The following DRC11 variants were observed in gnomAD, a reference collection of about 807,000 sequenced individuals.
DRC11 encodes IQ and AAA domain-containing protein 1.
the DRC11 span, among the ~76,000 whole-genome samples, chr2:236,402,876 G>A: frequency 6.6e-6 from 1 of 152,180 alleles, no homozygotes; most frequent in African/African-American, 2.4e-5. The surrounding 1 kb of genome is among the most constrained non-coding windows in gnomAD (Gnocchi z 6.0). Context: ...ATTCATGAAC[G>A]AAAGAGAAAT....
the DRC11 span, among the ~76,000 whole-genome samples, chr2:236,494,703 G>C: frequency 7.9e-5 from 12 of 152,126 alleles, no homozygotes; most frequent in African/African-American, 2.9e-4. This position sits in a 1 kb window ranked among gnomAD's most constrained non-coding sequence, Gnocchi z 4.2. Context: ...CCAGCCCAGA[G>C]AATTTTGGAT....
the DRC11 span, among the ~76,000 whole-genome samples, chr2:236,309,458 G>T: frequency 6.6e-6 from 1 of 152,146 alleles, no homozygotes; most frequent in African/African-American, 2.4e-5. The surrounding 1 kb of genome is among the most constrained non-coding windows in gnomAD (Gnocchi z 5.7). Context: ...GGTGGTCATT[G>T]CCTGTGAGCA....
At chr2:236,404,607 G>C in the DRC11 span, among the ~76,000 whole-genome samples, 1 of 152,190 alleles carries the variant, frequency 6.6e-6, no homozygotes, top group Non-Finnish European at 1.5e-5. Flanking sequence ...TGGCCTTTGC[G>C]GCATGTGAAG....
At chr2:236,321,339 T>C in the DRC11 span, among the ~76,000 whole-genome samples, 1 of 152,198 alleles carries the variant, frequency 6.6e-6, no homozygotes, top group Non-Finnish European at 1.5e-5. Flanking sequence ...GGCCCGTCTG[T>C]ATGTGCTGAT....
chr2:236,309,534 C>T, the DRC11 span, among the ~76,000 whole-genome samples: 21 of 152,224 alleles, frequency 1.4e-4, no homozygotes, highest in African/African-American at 3.4e-4. The surrounding 1 kb of genome is among the most constrained non-coding windows in gnomAD (Gnocchi z 5.7). Flanking sequence ...AGGCTCAAAA[C>T]GGACATTCTT....
chr2:236,383,554 T>G, the DRC11 span, among the ~76,000 whole-genome samples: 1 of 152,170 alleles, frequency 6.6e-6, no homozygotes, highest in African/African-American at 2.4e-5. Flanking sequence ...TCTTTTTTAA[T>G]GTAGGCATTT....
chr2:236,487,533 A>G, the DRC11 span, among the ~76,000 whole-genome samples: 11 of 152,094 alleles, frequency 7.2e-5, no homozygotes, highest in Non-Finnish European at 1.3e-4. Context: ...GCACAAATCC[A>G]TGGTGCTTAT....
the DRC11 span, among the ~76,000 whole-genome samples, chr2:236,498,146 G>A: frequency 6.6e-6 from 1 of 152,100 alleles, no homozygotes; most frequent in Admixed American, 6.6e-5. Flanking sequence ...ATGATGTACA[G>A]TGTGAGAAAT....
chr2:236,309,200 C>T, the DRC11 span, among the ~76,000 whole-genome samples: 40 of 152,308 alleles, frequency 2.6e-4, no homozygotes, highest in African/African-American at 9.1e-4. The surrounding 1 kb of genome is among the most constrained non-coding windows in gnomAD (Gnocchi z 5.7). Flanking sequence ...TCCAGGCACT[C>T]CCCGAGGTTG....
At chr2:236,347,330 C>T in the DRC11 span, among the ~76,000 whole-genome samples, 4 of 151,980 alleles carry the variant, frequency 2.6e-5, no homozygotes, top group African/African-American at 9.7e-5. Context: ...CCTTAAAGTA[C>T]TAAAAGTAGA....
the DRC11 span, among the ~76,000 whole-genome samples, chr2:236,418,117 A>G: frequency 6.6e-6 from 1 of 152,152 alleles, no homozygotes; most frequent in East Asian, 1.9e-4. Flanking sequence ...GTCAAATGGT[A>G]TTTCTGGTTC....
the DRC11 span, among the ~76,000 whole-genome samples, chr2:236,323,715 G>C: frequency 6.6e-6 from 1 of 152,118 alleles, no homozygotes; most frequent in Non-Finnish European, 1.5e-5. This position sits in a 1 kb window ranked among gnomAD's most constrained non-coding sequence, Gnocchi z 6.4. Context: ...TGTCAGACAA[G>C]GTATTCTTAA....
At chr2:236,373,365 C>G in the DRC11 span, among the ~76,000 whole-genome samples, 2 of 152,090 alleles carry the variant, frequency 1.3e-5, no homozygotes, top group African/African-American at 4.8e-5. Context: ...ATTCTCCTGC[C>G]TCAACCTCCT....
At chr2:236,487,474 T>C in the DRC11 span, among the ~76,000 whole-genome samples, 1 of 152,126 alleles carries the variant, frequency 6.6e-6, no homozygotes, top group African/African-American at 2.4e-5. Context: ...TGCCATCTGC[T>C]GTGTTTCCCT....
At chr2:236,387,787 G>T in the DRC11 span, among the ~76,000 whole-genome samples, 2 of 152,018 alleles carry the variant, frequency 1.3e-5, no homozygotes, top group African/African-American at 4.8e-5. Flanking sequence ...GCATGATTTT[G>T]CAGTGGCTGG....
At chr2:236,343,755 G>A in the DRC11 span, 2 of 1,303,646 alleles carry the variant, frequency 1.5e-6, no homozygotes, top group African/African-American at 1.5e-5. This position sits in a 1 kb window ranked among gnomAD's most constrained non-coding sequence, Gnocchi z 6.6. Flanking sequence ...CGCCAGCAGA[G>A]GGAGTGAACT....
At chr2:236,412,716 T>C in the DRC11 span, 1 of 152,256 alleles carries the variant, frequency 6.6e-6, no homozygotes, top group Admixed American at 6.5e-5. Context: ...GAGATGTCTC[T>C]TGCGTCTATT....
At chr2:236,406,891 G>A in the DRC11 span, among the ~76,000 whole-genome samples, 1 of 151,990 alleles carries the variant, frequency 6.6e-6, no homozygotes, top group East Asian at 1.9e-4. The surrounding 1 kb of genome is among the most constrained non-coding windows in gnomAD (Gnocchi z 4.7). Context: ...GACTACAGGC[G>A]CCCACCACCA....
At chr2:236,400,809 G>A in the DRC11 span, among the ~76,000 whole-genome samples, 1 of 152,160 alleles carries the variant, frequency 6.6e-6, no homozygotes, top group Non-Finnish European at 1.5e-5. The surrounding 1 kb of genome is among the most constrained non-coding windows in gnomAD (Gnocchi z 7.9). Flanking sequence ...GTCCCTCGTG[G>A]TTGTGTAGTA....
Sources: gnomAD v4.1 joint callset for allele counts (sites outside exome capture counted in the v4.1 genomes callset) on GRCh38, gnomAD v4.1.1 for gene constraint, Gnocchi (gnomAD v3.1) non-coding constraint, MANE v1.5 for transcripts, NCBI Gene and HGNC (gene_info 2026-07-23, HGNC 2026-07-21) for gene names.